The following TDRD1 variants were observed in gnomAD, a reference collection of about 807,000 sequenced individuals.
TDRD1 encodes tudor domain-containing protein 1.
In TDRD1, 37 loss-of-function variants were observed where a neutral mutation model predicts 140.6. That is an observed-to-expected ratio of 0.26 (90% CI 0.20 to 0.35). TDRD1 has a LOEUF of 0.35. TDRD1 is among the 10% of genes least tolerant of loss of function. The pLI is 1.00. For synonymous variants in TDRD1, 506 were observed against 475.7 expected (o/e 1.06, Z -0.83); for missense variants, 1,243 against 1,393.0 (o/e 0.89, Z 1.71).
chr10:114,197,935 C>T (rs2034479442), intron 3 of TDRD1, among the ~76,000 whole-genome samples: 1 of 152,162 alleles, frequency 6.6e-6, no homozygotes, highest in Admixed American at 6.5e-5. Context: ...GGATTACAGG[C>T]GTGAGCCACC....
intron 3 of TDRD1, among the ~76,000 whole-genome samples, chr10:114,191,680 C>T (rs1287410657): frequency 2.6e-5 from 4 of 152,150 alleles, no homozygotes; most frequent in Non-Finnish European, 5.9e-5. Context: ...ACTCTATATC[C>T]ATTTATGTAC....
At chr10:114,202,202 G>A (rs767580808) in intron 5 of TDRD1, 36 bp from the exon 6 acceptor site, 1 of 1,540,724 alleles carries the variant, frequency 6.5e-7, no homozygotes, top group South Asian at 1.2e-5. Context: ...AATTGCCTCT[G>A]TAGTATAAAT....
At chr10:114,218,093 A>C (rs1399493470) in intron 17 of TDRD1, among the ~76,000 whole-genome samples, 1 of 152,242 alleles carries the variant, frequency 6.6e-6, no homozygotes, top group African/African-American at 2.4e-5. Flanking sequence ...AGAGTATTAT[A>C]CATCTCCAAA....
chr10:114,201,975 ATATTC>A (rs1200464610), intron 5 of TDRD1, among the ~76,000 whole-genome samples: 1 of 152,164 alleles, frequency 6.6e-6, no homozygotes, highest in Non-Finnish European at 1.5e-5. Context: ...AGGCTTGGAG[ATATTC>A]TCTCTGTCTG....
intron 11 of TDRD1, among the ~76,000 whole-genome samples, chr10:114,208,248 A>G (rs947850568): frequency 6.6e-6 from 1 of 152,218 alleles, no homozygotes; most frequent in African/African-American, 2.4e-5. Flanking sequence ...GGGTTTGGAC[A>G]TGATTCTGAA....
rs1171391668 is a variant in TDRD1 at position 114,199,469 on chromosome 10, G to A, written c.529+152G>A. On this transcript the variant is annotated intron_variant, in intron 4 of 25. Transcript: ENST00000251864. ...CCTCAGCAGCTGTCAGCATCCTGCT[G>A]TTCCTCTTCACCCATCCCTTCCCAT... 7.3e-6 allele frequency: 7 copies of A among 964,114 alleles called. No individual in the cohort carries two copies. In the East Asian group the frequency reaches 1.8e-4, roughly 24 times the overall value. 59.7% of individuals were successfully genotyped at this position (964,114 alleles called of 1,614,324 possible).
Position 114,203,187 on chromosome 10 carries a change from T to C in TDRD1, c.801+11T>C. ...ACCATGGAAATAAAGGTATTTGTTTTTCTTCAATCTCCATAGACACAGATC... is the reference window on the plus strand; with the variant it reads ...ACCATGGAAATAAAGGTATTTGTTTCTCTTCAATCTCCATAGACACAGATC... On this transcript the variant is annotated intron_variant, in intron 7 of 25. Transcript: ENST00000251864. 4 of 1,591,182 alleles carry C rather than the reference T, an allele frequency of 2.5e-6. No individual in the cohort carries two copies. The highest frequency in any genetic ancestry group is 3.4e-6 in the Non-Finnish European group (4 of 1,160,690).
chr10:114,195,537 CTT>C (rs779989061), intron 3 of TDRD1, among the ~76,000 whole-genome samples: 3 of 152,106 alleles, frequency 2.0e-5, no homozygotes, highest in Non-Finnish European at 2.9e-5. Flanking sequence ...TGGGTTGACT[CTT>C]TTGTCATCAT....
At chr10:114,214,645 G>T (rs1004285399) in intron 16 of TDRD1, among the ~76,000 whole-genome samples, 4 of 152,076 alleles carry the variant, frequency 2.6e-5, no homozygotes, top group Non-Finnish European at 5.9e-5. Context: ...CCACACACTT[G>T]TATAACTAGC....
At chr10:114,179,113 G>A (rs1797837908), upstream of TDRD1, among the ~76,000 whole-genome samples, 1 of 152,220 alleles carries the variant, frequency 6.6e-6, no homozygotes, top group Non-Finnish European at 1.5e-5. Flanking sequence ...CAAAGGCGTT[G>A]CCAGAGACAT....
exon 19 of TDRD1, chr10:114,220,782 C>T: frequency 6.2e-7 from 1 of 1,611,442 alleles, no homozygotes; most frequent in South Asian, 1.1e-5. Context: ...CACATAAAGA[C>T]TTACCAAATG....
chr10:114,190,234 A>G (rs1192314914), intron 2 of TDRD1, among the ~76,000 whole-genome samples: 4 of 145,556 alleles, frequency 2.7e-5, no homozygotes, highest in Non-Finnish European at 5.9e-5. Context: ...TTTGAAAAAT[A>G]TAGTTTTTAA....
chr10:114,215,163 GC>G (rs1356294658), intron 16 of TDRD1, among the ~76,000 whole-genome samples: 3 of 152,132 alleles, frequency 2.0e-5, no homozygotes, highest in Non-Finnish European at 4.4e-5. Flanking sequence ...CCTTGCTGCT[GC>G]CCCCTGCACT....
At chr10:114,205,798 C>G (rs373356991) in intron 10 of TDRD1, among the ~76,000 whole-genome samples, 4 of 152,242 alleles carry the variant, frequency 2.6e-5, no homozygotes, top group African/African-American at 9.6e-5. Context: ...ATAAGACCTA[C>G]TATTCGATAG....
At chr10:114,208,179 A>G (rs2035251924) in intron 11 of TDRD1, among the ~76,000 whole-genome samples, 1 of 152,174 alleles carries the variant, frequency 6.6e-6, no homozygotes, top group Admixed American at 6.5e-5. Context: ...AGGATGGGGA[A>G]GTATTGGTCA....
At chr10:114,227,425 T>A (rs2036500034) in intron 23 of TDRD1, 126 bp downstream of exon 23, 2 of 737,500 alleles carry the variant, frequency 2.7e-6, no homozygotes, top group East Asian at 5.4e-5. Flanking sequence ...ACAAATCCAG[T>A]GGCAGGGTTC....
chr10:114,208,484 C>T (rs2035269636), intron 11 of TDRD1, among the ~76,000 whole-genome samples: 1 of 152,170 alleles, frequency 6.6e-6, no homozygotes, highest in South Asian at 2.1e-4. Flanking sequence ...GGCTGAAAGC[C>T]TTTACAACTT....
upstream of TDRD1, among the ~76,000 whole-genome samples, chr10:114,178,867 CAA>C (rs11285127): frequency 2.4e-4 from 25 of 102,634 alleles, no homozygotes; most frequent in Admixed American, 4.0e-4. Flanking sequence ...AGTTCCATAG[CAA>C]AAAAAAAAAA....
intron 16 of TDRD1, among the ~76,000 whole-genome samples, chr10:114,215,690 G>A (rs2035774936): frequency 6.6e-6 from 1 of 152,130 alleles, no homozygotes; most frequent in Admixed American, 6.5e-5. Context: ...GAATCATCTG[G>A]TTGGTAGGCC....
Sources: gnomAD v4.1 joint callset for allele counts (sites outside exome capture counted in the v4.1 genomes callset) on GRCh38, gnomAD v4.1.1 for gene constraint, MANE v1.5 for transcripts, NCBI Gene and HGNC (gene_info 2026-07-23, HGNC 2026-07-21) for gene names.